Variants in PLA2G4D observed in about 807,000 individuals in gnomAD.
PLA2G4D encodes the protein phospholipase A2 group IVD.
PLA2G4D carries 80 observed loss-of-function variants against 94.4 expected under a neutral mutation model. That is an observed-to-expected ratio of 0.85 (90% CI 0.71 to 1.02). The LOEUF is 1.02. PLA2G4D is among the 50% of genes least tolerant of loss of function. The pLI is 0.00. For synonymous variants in PLA2G4D, 438 were observed against 440.9 expected, an observed-to-expected ratio of 0.99 and a Z score of 0.08; for missense variants, 1,050 against 1,034.7, an observed-to-expected ratio of 1.01 and a Z score of -0.20.
chr15:42,074,663 G>T (rs1332301668), intron 13 of PLA2G4D, among the ~76,000 whole-genome samples: 3 of 152,158 alleles, frequency 2.0e-5, no homozygotes, highest in Admixed American at 1.3e-4. Context: ...TAATGAAATT[G>T]TGATTGGTCA....
chr15:42,070,742 T>A lies in PLA2G4D; in HGVS notation c.2018A>T (p.Asp673Val). ...CTCGAAGGGCGCAGATAGGGAGTAG[T>A]CGAAGGAGAGGATGAGGTCCAGCCT... ...GRRLDLILSF[D>V]YSLSAPFEAL... Residue 673 changes from aspartate (D) to valine (V), a missense_variant, in exon 18 of 20, where the codon GAC (aspartate) becomes GTC (valine). Physicochemically the swap from Asp to Val is radical, Grantham distance 152 (BLOSUM62 -3). Transcript: ENST00000290472. 1 of 1,566,778 alleles carries A rather than the reference T, an allele frequency of 6.4e-7. No individual in the cohort carries two copies. The highest frequency in any genetic ancestry group is 8.7e-7 in the Non-Finnish European group (1 of 1,154,700).
At chr15:42,076,530 GA>G (rs1889930904) in intron 13 of PLA2G4D, among the ~76,000 whole-genome samples, 1 of 152,040 alleles carries the variant, frequency 6.6e-6, no homozygotes, top group South Asian at 2.1e-4. Context: ...AAAACAATAT[GA>G]AAAAGACAAA....
At chr15:42,083,863 C>A (rs1333724810) in intron 6 of PLA2G4D, 84 bp from the exon 7 acceptor site, 3 of 1,336,736 alleles carry the variant, frequency 2.2e-6, no homozygotes, top group Non-Finnish European at 3.2e-6. Flanking sequence ...ACCCACTGTC[C>A]CAAATCCACC....
chr15:42,075,577 G>A (rs567488660), intron 13 of PLA2G4D, among the ~76,000 whole-genome samples: 2 of 152,098 alleles, frequency 1.3e-5, no homozygotes, highest in Non-Finnish European at 2.9e-5. Context: ...ACATGACTAG[G>A]TGATTCTATC....
In PLA2G4D at chr15:42,084,318, T is replaced by G. The variant is rs1890099359; in HGVS notation, c.472-539A>C. Among the ~76,000 whole-genome samples, 1 of 152,124 alleles carries G rather than the reference T, an allele frequency of 6.6e-6. No individual in the cohort carries two copies. The highest frequency in any genetic ancestry group is 1.5e-5 in the Non-Finnish European group (1 of 67,996). On this transcript the variant is annotated intron_variant, in intron 6 of 19. Coordinates refer to ENST00000290472, the MANE Select transcript of PLA2G4D (RefSeq NM_178034.4). The surrounding 1 kb of genome is among the most constrained non-coding windows in gnomAD (Gnocchi z 4.8). ...ACCAGCAGATGCCCGCCACCCACGC[T>G]CCACACAATCACTGAATTTGCCCAC...
At position 42,083,293 on chromosome 15, in the gene PLA2G4D, AG is replaced by A; in HGVS notation, c.576del (p.Tyr193MetfsTer23). 6.2e-7 allele frequency: 1 copy of A among 1,614,130 alleles called. No homozygotes were observed. Among genetic ancestry groups the A allele is most frequent in the South Asian group, 1.1e-5 (1 of 91,090 alleles). ...AGGAAGGATGTCTGTGTGTCCTCAT[AG>A]GACCCCTTCAGCACCAGCTCCAGCT... ...KLELELVLKG[S>X]YEDTQTSFLG... On this transcript the variant is annotated frameshift_variant, in exon 8 of 20. Coordinates refer to ENST00000290472, the MANE Select transcript of PLA2G4D (RefSeq NM_178034.4). LOFTEE classifies it high-confidence loss of function.
intron 6 of PLA2G4D, 29 bp from the exon 7 acceptor site, chr15:42,083,808 C>T (rs1047254710): frequency 6.2e-7 from 1 of 1,611,734 alleles, no homozygotes; most frequent in African/African-American, 1.3e-5. Flanking sequence ...TGGGCAGGGG[C>T]CTCTGCAGGG....
chr15:42,092,545 T>G (rs1220243473), intron 1 of PLA2G4D, among the ~76,000 whole-genome samples: 3 of 152,182 alleles, frequency 2.0e-5, no homozygotes, highest in Non-Finnish European at 4.4e-5. Flanking sequence ...CATAGGGGCG[T>G]CACATTCCCT....
rs545145233 is a variant in PLA2G4D, at chr15:42,091,771, G to A, written c.45+2644C>T. On this transcript the variant is annotated intron_variant, in intron 1 of 19. Coordinates refer to ENST00000290472, the MANE Select transcript of PLA2G4D (RefSeq NM_178034.4). ...ACCTGGCTCTGCCTTCTAGATAGCAGTAGTCAATTAGTGAAAGTACTAATA... is the reference window on the plus strand; with the variant it reads ...ACCTGGCTCTGCCTTCTAGATAGCAATAGTCAATTAGTGAAAGTACTAATA... Among the ~76,000 whole-genome samples, 3 of 152,320 alleles carry A rather than the reference G, an allele frequency of 2.0e-5. No homozygotes were observed. The East Asian group carries it at 5.8e-4, about 29-fold the overall frequency.
chr15:42,079,493 C>T (rs541337149), intron 13 of PLA2G4D, 44 bp downstream of exon 13: 3 of 1,536,102 alleles, frequency 2.0e-6, no homozygotes, highest in East Asian at 2.5e-5. Context: ...CCTTCGCCCC[C>T]GCGGTGCACA....
At chr15:42,071,985 A>ACTGACC in intron 14 of PLA2G4D, 74 bp from the exon 15 acceptor site, 1 of 1,543,852 alleles carries the variant, frequency 6.5e-7, no homozygotes, top group Non-Finnish European at 8.8e-7. Context: ...GGCGAAAGAC[A>ACTGACC]CTGCCCCTGC....
At chr15:42,072,558 G>A (rs764872169) in intron 13 of PLA2G4D, among the ~76,000 whole-genome samples, 166 bp from the exon 14 acceptor site, 22 of 152,132 alleles carry the variant, frequency 1.4e-4, no homozygotes, top group Non-Finnish European at 2.9e-4. Context: ...CTGCCCCTGT[G>A]TTCTGAACAG....
chr15:42,078,807 C>T (rs1180839815), intron 13 of PLA2G4D, among the ~76,000 whole-genome samples: 1 of 152,138 alleles, frequency 6.6e-6, no homozygotes, highest in African/African-American at 2.4e-5. Flanking sequence ...GCTTTTGAAG[C>T]TTTGTTCAGA....
At chr15:42,073,081 C>T (rs1712400) in intron 13 of PLA2G4D, among the ~76,000 whole-genome samples, 28,442 of 152,116 alleles carry the variant, frequency 0.19, 2,792 homozygotes, top group South Asian at 0.32. Flanking sequence ...TGGATCACTG[C>T]AACCTCCACC....
intron 12 of PLA2G4D, among the ~76,000 whole-genome samples, chr15:42,080,324 C>T (rs1273988895): frequency 6.6e-6 from 1 of 152,134 alleles, no homozygotes; most frequent in Non-Finnish European, 1.5e-5. Flanking sequence ...TGAGGCGTTT[C>T]CTCTTCTTTT....
Position 42,085,127 on chromosome 15 carries a change from G to C in PLA2G4D, c.440C>G (p.Pro147Arg). The change falls in exon 6 of 20, where the codon CCA becomes CGA. Residue 147 changes from proline (P) to arginine (R), a missense_variant. Transcript: ENST00000290472. ...EFLMEETSDR[P>R]ENLITNKVIV... is the part of the protein sequence containing the mutation. ...GACTTTGTTGGTGATGAGGTTTTCTGGGCGATCTGACCTGGAAAAATCAAA... is the reference window on the plus strand; with the variant it reads ...GACTTTGTTGGTGATGAGGTTTTCTCGGCGATCTGACCTGGAAAAATCAAA... 1 of 1,614,188 alleles carries C rather than the reference G, an allele frequency of 6.2e-7. No homozygotes were observed. Among genetic ancestry groups the C allele is most frequent in the South Asian group, 1.1e-5 (1 of 91,080 alleles).
rs780601008 is a variant in PLA2G4D at position 42,071,287 on chromosome 15, G to A, written c.1712C>T (p.Ser571Phe). The change falls in exon 17 of 20, where the codon TCC (serine) becomes TTC (phenylalanine). Residue 571 changes from serine to phenylalanine, a missense_variant. Transcript: ENST00000290472. ...CAGCCACGAGGCCTCCAGCCGCGAG[G>A]AGGTCCCCGAGGTGGTCAGGGGCTC... is the stretch of plus-strand genomic sequence containing the variant. ...EKEPLTTSGT[S>F]SRLEASWLQP... 21 of 1,591,228 alleles carry A rather than the reference G, an allele frequency of 1.3e-5. No individual in the cohort carries two copies. The highest frequency in any genetic ancestry group is 1.7e-4 in the Middle Eastern group (1 of 5,980).
chr15:42,093,361 G>C (rs1001647306), intron 1 of PLA2G4D, among the ~76,000 whole-genome samples: 5 of 152,176 alleles, frequency 3.3e-5, no homozygotes, highest in Non-Finnish European at 1.5e-5. Context: ...GAGGGAAAAG[G>C]GGAAAGGGGC....
chr15:42,086,640 C>T (rs1266341269), intron 3 of PLA2G4D, among the ~76,000 whole-genome samples: 1 of 151,988 alleles, frequency 6.6e-6, no homozygotes, highest in Non-Finnish European at 1.5e-5. Flanking sequence ...CACCTGATGT[C>T]GAGAGTTCGA....
Sources: allele counts gnomAD v4.1 joint callset (sites outside exome capture counted in the v4.1 genomes callset), GRCh38; gene constraint gnomAD v4.1.1; non-coding constraint Gnocchi (gnomAD v3.1); transcripts MANE v1.5; gene names NCBI Gene and HGNC (gene_info 2026-07-23, HGNC 2026-07-21).